The following C2orf42 variants were observed in gnomAD, a reference collection of about 807,000 sequenced individuals.
C2orf42 encodes uncharacterized protein C2orf42.
In C2orf42, 44 loss-of-function variants were observed where a neutral mutation model predicts 58.9. The observed-to-expected ratio is 0.75, with a 90% CI of 0.59 to 0.96. C2orf42 has a LOEUF of 0.96. Among genes scored for constraint, C2orf42 ranks in the 40% least tolerant of loss-of-function variants. The pLI is 0.00. For synonymous variants in C2orf42, 239 were observed against 265.4 expected (o/e 0.90, Z 0.97); for missense variants, 630 against 699.2 (o/e 0.90, Z 1.12).
At chr2:70,150,884 T>C (rs1209360782) in intron 9 of C2orf42, among the ~76,000 whole-genome samples, 1 of 152,182 alleles carries the variant, frequency 6.6e-6, no homozygotes, top group Non-Finnish European at 1.5e-5. Context: ...TAGCTGGGAT[T>C]ACAGGCACGT....
chr2:70,175,595 G>T (rs1345601540), intron 5 of C2orf42, 78 bp downstream of exon 5: 2 of 855,652 alleles, frequency 2.3e-6, no homozygotes, highest in Non-Finnish European at 4.1e-6. Context: ...GGGTGACAAT[G>T]TGCATGATTA....
At chr2:70,155,736 G>A (rs1183720192) in intron 9 of C2orf42, among the ~76,000 whole-genome samples, 2 of 151,626 alleles carry the variant, frequency 1.3e-5, no homozygotes, top group African/African-American at 4.8e-5. Context: ...GGAGGCGGAG[G>A]TTGCAGTGAG....
At chr2:70,187,809 G>A (rs1034235862) in intron 1 of C2orf42, among the ~76,000 whole-genome samples, 25 of 151,516 alleles carry the variant, frequency 1.6e-4, no homozygotes, top group African/African-American at 5.8e-4. Flanking sequence ...TCCTGCCTCA[G>A]CCTCCCGATT....
rs1212754560 is a variant in C2orf42 at position 70,176,487 on chromosome 2, G to A, written c.935-710C>T. Reference sequence around the variant, plus strand: ...CCACTGCACTCCAGCCTGGGCGACAGAGCGAGACTGTCTCAAAAAAAAAAA... The same window carrying A: ...CCACTGCACTCCAGCCTGGGCGACAAAGCGAGACTGTCTCAAAAAAAAAAA... On this transcript the variant is annotated intron_variant, in intron 4 of 9. Coordinates refer to ENST00000264434, the MANE Select transcript of C2orf42 (RefSeq NM_017880.3). Among the ~76,000 whole-genome samples the A allele has an allele frequency of 2.7e-5, 4 of 150,682 alleles. No homozygotes were observed. In the Admixed American group the frequency reaches 2.7e-4, roughly 10 times the overall value.
At chr2:70,187,267 G>GACA (rs2103675543) in intron 1 of C2orf42, among the ~76,000 whole-genome samples, 1 of 148,854 alleles carries the variant, frequency 6.7e-6, no homozygotes, top group South Asian at 2.1e-4. Context: ...TGTTGTTGTT[G>GACA]ACAACGGAGT....
chr2:70,183,533 G>A (rs1292021969), intron 1 of C2orf42, among the ~76,000 whole-genome samples: 3 of 150,932 alleles, frequency 2.0e-5, no homozygotes, highest in Non-Finnish European at 4.4e-5. Context: ...AGATTCAAGC[G>A]ATTCTCCTGC....
At chr2:70,159,079 G>T (rs1455051812) in intron 9 of C2orf42, among the ~76,000 whole-genome samples, 2 of 149,134 alleles carry the variant, frequency 1.3e-5, no homozygotes, top group Non-Finnish European at 3.0e-5. Flanking sequence ...GTAGAGATGG[G>T]GTTTCACCAT....
rs575036566 is a variant in C2orf42 at position 70,168,616 on chromosome 2, C to CAG, written c.1144+939_1144+940dup. On this transcript the variant is annotated intron_variant, in intron 6 of 9. Coordinates refer to ENST00000264434, the MANE Select transcript of C2orf42 (RefSeq NM_017880.3). ...AATAGGATACTTTTAAGGCAACAAGCAGAGACTGGCTAGATCTGAAACTGG... is the reference window on the plus strand; with the variant it reads ...AATAGGATACTTTTAAGGCAACAAGCAGAGAGACTGGCTAGATCTGAAACTGG... Among the ~76,000 whole-genome samples, 13 of 151,320 alleles carry CAG rather than the reference C, an allele frequency of 8.6e-5. No homozygotes were observed. The South Asian group carries it at 2.5e-3, about 29-fold the overall frequency.
intron 5 of C2orf42, among the ~76,000 whole-genome samples, chr2:70,171,883 C>G (rs534224200): frequency 1.3e-5 from 2 of 151,584 alleles, no homozygotes; most frequent in East Asian, 1.9e-4. Context: ...AAAACAGTAA[C>G]GAGTGATGGA....
At position 70,165,212 on chromosome 2, in the gene C2orf42, C is replaced by G; in HGVS notation, c.1253-20G>C. 1 of 1,397,916 alleles carries G rather than the reference C, an allele frequency of 7.2e-7. No individual in the cohort carries two copies. The highest frequency in any genetic ancestry group is 1.8e-5 in the Admixed American group (1 of 56,184). 86.6% of individuals were successfully genotyped at this position (1,397,916 alleles called of 1,614,324 possible). On this transcript the variant is annotated intron_variant, in intron 7 of 9. Coordinates refer to ENST00000264434, the MANE Select transcript of C2orf42 (RefSeq NM_017880.3). ...CAAAAGCTTCAACGTGAAAAAAGGACAAAATTAGATTACCAAAAAATAACA... is the reference window on the plus strand; with the variant it reads ...CAAAAGCTTCAACGTGAAAAAAGGAGAAAATTAGATTACCAAAAAATAACA...
chr2:70,182,001 C>T lies in C2orf42; in HGVS notation c.-12-4G>A, dbSNP rs77615100. ...TTGGTTCCATTTTTCAGAGGCCCTA[C>T]AAAAGACAATACATCCAACAGTATG... On this transcript the variant is annotated splice_region_variant and splice_polypyrimidine_tract_variant and intron_variant, in intron 2 of 9. Transcript: ENST00000264434. 2 of 1,407,838 alleles carry T rather than the reference C, an allele frequency of 1.4e-6. No homozygotes were observed. Among genetic ancestry groups the T allele is most frequent in the African/African-American group, 2.8e-5 (2 of 70,542 alleles). 87.2% of individuals were successfully genotyped at this position (1,407,838 alleles called of 1,614,324 possible).
At chr2:70,185,652 G>A (rs1007276535) in intron 1 of C2orf42, among the ~76,000 whole-genome samples, 20 of 152,002 alleles carry the variant, frequency 1.3e-4, no homozygotes, top group African/African-American at 4.3e-4. Flanking sequence ...CAGAGAGGTT[G>A]CAGTGAGCCA....
intron 7 of C2orf42, among the ~76,000 whole-genome samples, 167 bp downstream of exon 7, chr2:70,165,361 T>C (rs1335324180): frequency 1.3e-5 from 2 of 152,234 alleles, no homozygotes; most frequent in African/African-American, 4.8e-5. Context: ...GACAAATCAG[T>C]TGATGTAGAT....
At chr2:70,175,608 C>G (rs898431244) in intron 5 of C2orf42, 65 bp downstream of exon 5, 25 of 939,184 alleles carry the variant, frequency 2.7e-5, no homozygotes, top group African/African-American at 4.8e-5. Flanking sequence ...CATGATTATA[C>G]TGCTTCTGGC....
chr2:70,181,141 C>G, intron 3 of C2orf42, 22 bp downstream of exon 3: 1 of 1,415,218 alleles, frequency 7.1e-7, no homozygotes, highest in Non-Finnish European at 9.6e-7. Context: ...AACGTAATAA[C>G]CACATCAACC....
intron 5 of C2orf42, among the ~76,000 whole-genome samples, chr2:70,172,021 G>C (rs567727146): frequency 8.0e-4 from 121 of 151,264 alleles, no homozygotes; most frequent in Admixed American, 1.4e-3. Flanking sequence ...TCAGGAATTC[G>C]AGACCAGCCT....
At chr2:70,188,289 G>T (rs1189723065) in intron 1 of C2orf42, among the ~76,000 whole-genome samples, 1 of 152,064 alleles carries the variant, frequency 6.6e-6, no homozygotes, top group East Asian at 1.9e-4. Context: ...CCGGGTTCAA[G>T]CAATTCTCCT....
intron 9 of C2orf42, among the ~76,000 whole-genome samples, chr2:70,152,929 A>G (rs1672397220): frequency 6.6e-6 from 1 of 152,030 alleles, no homozygotes; most frequent in Admixed American, 6.6e-5. Context: ...GCTACTCAGA[A>G]GGCTGAGATA....
At chr2:70,177,398 C>G (rs1024399587) in intron 4 of C2orf42, among the ~76,000 whole-genome samples, 1 of 152,076 alleles carries the variant, frequency 6.6e-6, no homozygotes, top group African/African-American at 2.4e-5. Flanking sequence ...CAAGATCACG[C>G]CACTGCACAA....
Sources: gnomAD v4.1 joint callset for allele counts (sites outside exome capture counted in the v4.1 genomes callset) on GRCh38, gnomAD v4.1.1 for gene constraint, MANE v1.5 for transcripts, NCBI Gene and HGNC (gene_info 2026-07-23, HGNC 2026-07-21) for gene names.